The following DLG2 variants were observed in gnomAD, a reference collection of about 807,000 sequenced individuals.
The protein encoded by DLG2 is discs large MAGUK scaffold protein 2.
A neutral mutation model predicts 132.5 loss-of-function variants in DLG2; 45 were observed. That is an observed-to-expected ratio of 0.34 (90% CI 0.27 to 0.44). The LOEUF is 0.44. DLG2 is among the 20% of genes least tolerant of loss of function. The probability of loss-of-function intolerance (pLI) is 1.00; values close to 1 mark genes in which losing one functional copy is unlikely to be tolerated. For synonymous variants in DLG2, 424 were observed against 419.6 expected, an observed-to-expected ratio of 1.01 and a Z score of -0.13; for missense variants, 1,045 against 1,196.9, an observed-to-expected ratio of 0.87 and a Z score of 1.87.
At chr11:83,994,856 T>C (rs1317003829) in intron 11 of DLG2, among the ~76,000 whole-genome samples, 3 of 152,148 alleles carry the variant, frequency 2.0e-5, no homozygotes, top group Admixed American at 2.0e-4. Context: ...TCCATGCCCC[T>C]CTTCTGGATT....
At chr11:85,610,748 G>T (rs1305411710) in intron 2 of DLG2, among the ~76,000 whole-genome samples, 1 of 151,748 alleles carries the variant, frequency 6.6e-6, no homozygotes, top group Non-Finnish European at 1.5e-5. Flanking sequence ...TTTGCCTACA[G>T]CAGGTCGAAT....
intron 6 of DLG2, among the ~76,000 whole-genome samples, chr11:85,024,343 C>T (rs191993245): frequency 1.2e-3 from 185 of 152,212 alleles, no homozygotes; most frequent in Non-Finnish European, 1.7e-3. Flanking sequence ...AACATGACAA[C>T]CTTTGTTAAA....
chr11:85,217,972 G>A (rs1020415499), intron 4 of DLG2, among the ~76,000 whole-genome samples: 7 of 152,076 alleles, frequency 4.6e-5, no homozygotes, highest in Admixed American at 2.0e-4. Flanking sequence ...TGTGAAAGGC[G>A]GGGGTCAAGC....
chr11:84,400,503 T>C (rs1199555111), intron 7 of DLG2, among the ~76,000 whole-genome samples: 2 of 152,198 alleles, frequency 1.3e-5, no homozygotes, highest in South Asian at 2.1e-4. Flanking sequence ...TCAATGCTAA[T>C]TTGTTTGTCT....
At chr11:85,295,211 G>A (rs760467309) in intron 3 of DLG2, among the ~76,000 whole-genome samples, 30 of 152,070 alleles carry the variant, frequency 2.0e-4, no homozygotes, top group Non-Finnish European at 4.1e-4. Context: ...GATTTACCAT[G>A]TAAATTCTAC....
At chr11:84,894,461 T>C (rs768006852) in intron 6 of DLG2, among the ~76,000 whole-genome samples, 5 of 152,144 alleles carry the variant, frequency 3.3e-5, no homozygotes, top group South Asian at 2.1e-4. Context: ...GCGTGTAATT[T>C]AGTATACATA....
At chr11:83,540,357 G>C (rs916469362) in intron 20 of DLG2, among the ~76,000 whole-genome samples, 7 of 152,170 alleles carry the variant, frequency 4.6e-5, no homozygotes, top group African/African-American at 1.7e-4. Flanking sequence ...GAATGCCCTG[G>C]AAAAGCAATG....
chr11:84,794,076 G>C (rs1389641166), intron 6 of DLG2, among the ~76,000 whole-genome samples: 2 of 151,916 alleles, frequency 1.3e-5, no homozygotes, highest in Admixed American at 6.6e-5. Flanking sequence ...TATGTTTTTT[G>C]ATGTGAAGTT....
chr11:84,954,932 T>G (rs1029056710), intron 6 of DLG2, among the ~76,000 whole-genome samples: 5 of 152,224 alleles, frequency 3.3e-5, no homozygotes, highest in Non-Finnish European at 7.3e-5. Context: ...GCAACCATTT[T>G]CTGTAAAGGC....
chr11:85,230,875 G>C (rs78121960), intron 4 of DLG2, among the ~76,000 whole-genome samples: 147 of 151,940 alleles, frequency 9.7e-4, no homozygotes, highest in African/African-American at 3.4e-3. Flanking sequence ...GTCCCATTTT[G>C]CCCTTTTGAC....
chr11:83,963,209 T>C (rs1223003750), intron 13 of DLG2, among the ~76,000 whole-genome samples, 186 bp from the exon 14 acceptor site: 1 of 151,986 alleles, frequency 6.6e-6, no homozygotes. Context: ...TGGTGACCTT[T>C]AGGATAGGAA....
intron 6 of DLG2, among the ~76,000 whole-genome samples, chr11:84,743,751 CT>C (rs112568691): frequency 0.28 from 41,796 of 148,220 alleles, 7,477 homozygotes; most frequent in African/African-American, 0.52. Context: ...ATTTTCTTTT[CT>C]TTTTTTTTTT....
chr11:84,537,058 A>G (rs1591816185), intron 6 of DLG2, among the ~76,000 whole-genome samples: 1 of 49,230 alleles, frequency 2.0e-5, no homozygotes, highest in South Asian at 8.1e-4. Context: ...GCTTTCTTAC[A>G]CTGCCATAAC....
rs544754109 is a variant in DLG2 at position 84,638,561 on chromosome 11, G to T, written c.358-103830C>A. Among the ~76,000 whole-genome samples the T allele has an allele frequency of 1.2e-3, 180 of 152,286 alleles. 1 individual carries two copies. Among genetic ancestry groups the T allele is most frequent in the Non-Finnish European group, 1.9e-3 (129 of 68,010 alleles). On this transcript the variant is annotated intron_variant, in intron 6 of 27. Transcript: ENST00000376104. ...TAATGTGAACTTCTTTGTCTGTCTGGCTTTAATGTACATACTTTATCCATT... is the reference window on the plus strand; with the variant it reads ...TAATGTGAACTTCTTTGTCTGTCTGTCTTTAATGTACATACTTTATCCATT...
chr11:84,661,237 TTG>T (rs2099694164), intron 6 of DLG2, among the ~76,000 whole-genome samples: 2 of 152,166 alleles, frequency 1.3e-5, no homozygotes, highest in Non-Finnish European at 1.5e-5. Flanking sequence ...TCTAGAGATG[TTG>T]TGAGATGGTT....
chr11:85,157,455 T>G (rs2077669892), intron 4 of DLG2, among the ~76,000 whole-genome samples: 1 of 152,158 alleles, frequency 6.6e-6, no homozygotes, highest in Non-Finnish European at 1.5e-5. Context: ...TTATGCAAGA[T>G]GAATGCATTT....
At chr11:84,932,020 C>A (rs2048153002) in intron 6 of DLG2, among the ~76,000 whole-genome samples, 2 of 152,070 alleles carry the variant, frequency 1.3e-5, no homozygotes, top group Admixed American at 6.5e-5. Flanking sequence ...TATTATTAGA[C>A]CTTTGTTGAA....
intron 6 of DLG2, among the ~76,000 whole-genome samples, chr11:85,092,119 G>A (rs755295431): frequency 6.6e-5 from 10 of 152,178 alleles, no homozygotes; most frequent in South Asian, 2.1e-4. Context: ...CAGATATTGC[G>A]TTAGTAGGCA....
In DLG2 at chr11:85,124,463, G is replaced by T. The variant is rs76855325; in HGVS notation, c.283-12728C>A. On this transcript the variant is annotated intron_variant, in intron 5 of 27. Coordinates refer to ENST00000376104, the MANE Select transcript of DLG2 (RefSeq NM_001142699.3). The stretch of plus-strand genomic sequence containing the variant: ...CAAATATATAAACTAATTTGATTCT[G>T]TACAATAATCCTGTTCAGGAACTAC... Among the ~76,000 whole-genome samples the T allele has an allele frequency of 9.5e-3, 1,446 of 152,222 alleles. 20 individuals are homozygous for T. The highest frequency in any genetic ancestry group is 0.031 in the African/African-American group (1,308 of 41,524).
Sources: gnomAD v4.1 joint callset for allele counts (sites outside exome capture counted in the v4.1 genomes callset) on GRCh38, gnomAD v4.1.1 for gene constraint, MANE v1.5 for transcripts, NCBI Gene and HGNC (gene_info 2026-07-23, HGNC 2026-07-21) for gene names.